Variants in RORA observed in about 807,000 individuals in gnomAD.
The protein encoded by RORA is nuclear receptor ROR-alpha.
Under a neutral mutation model 69.5 loss-of-function variants are expected in RORA, and 7 were observed. That is an observed-to-expected ratio of 0.10 (90% CI 0.06 to 0.19). RORA has a LOEUF of 0.19. RORA is among the 10% of genes least tolerant of loss of function. The pLI is 1.00. For missense variants in RORA, 457 were observed against 663.0 expected, an observed-to-expected ratio of 0.69 and a Z score of 3.41; for synonymous variants, 261 against 240.8, an observed-to-expected ratio of 1.08 and a Z score of -0.78.
intron 1 of RORA, among the ~76,000 whole-genome samples, chr15:60,694,618 G>A (rs1380918055): frequency 2.6e-5 from 4 of 152,180 alleles, no homozygotes; most frequent in Admixed American, 2.0e-4. Context: ...CCCAAACCTC[G>A]AGGACACTCC....
At chr15:60,800,948 C>A (rs976053841) in intron 1 of RORA, among the ~76,000 whole-genome samples, 1 of 152,220 alleles carries the variant, frequency 6.6e-6, no homozygotes, top group African/African-American at 2.4e-5. Context: ...GCCTGCATTC[C>A]CAATACTTTC....
chr15:60,959,177 T>C lies in RORA; in HGVS notation c.166+269876A>G, dbSNP rs574514803. 7.9e-5 allele frequency among the ~76,000 whole-genome samples: 12 copies of C among 152,362 alleles called. No homozygotes were observed. In the South Asian group the frequency reaches 2.3e-3, roughly 29 times the overall value. On this transcript the variant is annotated intron_variant, in intron 1 of 10. Transcript: ENST00000335670. ...TTTTGTGTAAGAGGAATAGAAATTG[T>C]TTCTTTTCCTTGCTTTTATGTCTAC...
rs145102737 is a variant in RORA, at chr15:60,511,276, C to G, written c.770G>C (p.Cys257Ser). ...GGAAGTCTCGCCGTTGGTGAACGAA[C>G]AGTAGGGAAAGAAGCCTGATGCTGG... ...YTPASGFFPYCSFTNGETSPT... is the reference protein window; with the variant it reads ...YTPASGFFPYSSFTNGETSPT... The change falls in exon 5 of 11, where the codon TGT becomes TCT. Residue 257 changes from cysteine to serine, a missense_variant. By Grantham distance (112) the Cys-to-Ser change is moderately radical (BLOSUM62 -1). Around this residue, in one of 3 missense-constraint regions of RORA, gnomAD observed 304 missense variants for 447.4 expected, o/e 0.68. Coordinates refer to ENST00000335670, the MANE Select transcript of RORA (RefSeq NM_134261.3). The surrounding 1 kb of genome is among the most constrained non-coding windows in gnomAD (Gnocchi z 6.4). 5.5e-5 allele frequency: 89 copies of G among 1,614,030 alleles called. No individual in the cohort carries two copies. Among genetic ancestry groups the G allele is most frequent in the Non-Finnish European group, 7.2e-5 (85 of 1,180,000 alleles).
rs142291453 is a variant in RORA at position 60,843,996 on chromosome 15, C to CA, written c.167-165311_167-165310insT. On this transcript the variant is annotated intron_variant, in intron 1 of 10. Transcript: ENST00000335670. Reference sequence around the variant, plus strand: ...GCCCACACTTTCACATCTTCATTTACTTTTTTTTTGGTTATTCTCTCCACC... The same window carrying CA: ...GCCCACACTTTCACATCTTCATTTACATTTTTTTTTGGTTATTCTCTCCACC... 5.5e-3 allele frequency among the ~76,000 whole-genome samples: 831 copies of CA among 152,008 alleles called. 3 individuals are homozygous for CA. The highest frequency in any genetic ancestry group is 9.1e-3 in the Non-Finnish European group (616 of 67,944).
At chr15:61,082,608 T>G (rs1296338345) in intron 1 of RORA, among the ~76,000 whole-genome samples, 1 of 152,150 alleles carries the variant, frequency 6.6e-6, no homozygotes, top group Non-Finnish European at 1.5e-5. Flanking sequence ...ACTTCATCAC[T>G]TGAGTATGTG....
At chr15:60,627,587 C>G in intron 2 of RORA, 1 of 1,205,548 alleles carries the variant, frequency 8.3e-7, no homozygotes, top group Non-Finnish European at 1.1e-6. Context: ...ACAATTCTCC[C>G]ATAATTGTTG....
chr15:60,678,482 A>G, intron 2 of RORA, 175 bp downstream of exon 2: 1 of 613,790 alleles, frequency 1.6e-6, no homozygotes, highest in East Asian at 2.7e-5. Flanking sequence ...CACACTCAGT[A>G]CAAACAGGTG....
intron 1 of RORA, among the ~76,000 whole-genome samples, chr15:60,903,290 C>T (rs115261979): frequency 6.8e-4 from 104 of 152,356 alleles, no homozygotes; most frequent in African/African-American, 2.4e-3. Context: ...AGACTCTTCT[C>T]ATTGCAGCTT....
intron 2 of RORA, among the ~76,000 whole-genome samples, chr15:60,623,747 G>A (rs1463419812): frequency 2.0e-5 from 3 of 152,192 alleles, no homozygotes; most frequent in Admixed American, 1.3e-4. Flanking sequence ...CAGGACCCCA[G>A]TAAGTTTACT....
intron 1 of RORA, among the ~76,000 whole-genome samples, chr15:60,962,491 T>G (rs966919692): frequency 7.2e-5 from 11 of 152,190 alleles, no homozygotes; most frequent in Admixed American, 6.5e-5. Context: ...CCAAAAGGAA[T>G]GCACAGACCA....
chr15:61,153,770 ACAATTGCTAAGAACCCTT>A (rs1194980803), intron 1 of RORA, among the ~76,000 whole-genome samples: 1 of 152,052 alleles, frequency 6.6e-6, no homozygotes, highest in Admixed American at 6.5e-5. Flanking sequence ...GGTTTCATGC[ACAATTGCTAAGAACCCTT>A]CAATTGCTAA....
At chr15:60,592,090 T>A (rs1210436072) in intron 2 of RORA, among the ~76,000 whole-genome samples, 2 of 151,960 alleles carry the variant, frequency 1.3e-5, no homozygotes, top group Non-Finnish European at 2.9e-5. Flanking sequence ...GCAAACTTTC[T>A]TTTGGGAGAC....
intron 2 of RORA, among the ~76,000 whole-genome samples, chr15:60,666,037 A>G (rs1632660): frequency 0.75 from 114,606 of 151,860 alleles, 43,940 homozygotes; most frequent in East Asian, 1. Flanking sequence ...TGAAATGAGC[A>G]ACAAGAGTGG....
At chr15:61,124,268 C>T (rs2079125801) in intron 1 of RORA, among the ~76,000 whole-genome samples, 1 of 152,204 alleles carries the variant, frequency 6.6e-6, no homozygotes. Context: ...TTTTTATATT[C>T]TAGTGGGTAC....
At chr15:60,653,972 G>GA (rs994653923) in intron 2 of RORA, among the ~76,000 whole-genome samples, 8 of 152,136 alleles carry the variant, frequency 5.3e-5, no homozygotes, top group African/African-American at 7.2e-5. Context: ...CAGGAGCAAG[G>GA]ATTCTATCAG....
chr15:61,153,370 G>A (rs2079414507), intron 1 of RORA, among the ~76,000 whole-genome samples: 1 of 152,208 alleles, frequency 6.6e-6, no homozygotes, highest in Non-Finnish European at 1.5e-5. Context: ...TCCAAAACCA[G>A]TGAGGGAAAT....
intron 1 of RORA, among the ~76,000 whole-genome samples, chr15:60,796,886 C>A (rs2072506037): frequency 6.6e-6 from 1 of 151,894 alleles, no homozygotes; most frequent in South Asian, 2.1e-4. Context: ...ATACAGGCTA[C>A]ATCCTGGATG....
intron 1 of RORA, among the ~76,000 whole-genome samples, chr15:61,224,633 G>A (rs1208749717): frequency 6.6e-6 from 1 of 152,178 alleles, no homozygotes; most frequent in African/African-American, 2.4e-5. Flanking sequence ...GAAGTGACAT[G>A]TCCAAGGAAA....
chr15:60,815,805 A>C (rs1035279527), intron 1 of RORA, among the ~76,000 whole-genome samples: 1 of 151,158 alleles, frequency 6.6e-6, no homozygotes, highest in Non-Finnish European at 1.5e-5. Flanking sequence ...TTTTAAAAAA[A>C]ATTTTATATT....
Sources: allele counts gnomAD v4.1 joint callset (sites outside exome capture counted in the v4.1 genomes callset), GRCh38; gene constraint gnomAD v4.1.1; regional missense constraint gnomAD v4.1.1; non-coding constraint Gnocchi (gnomAD v3.1); transcripts MANE v1.5; gene names NCBI Gene and HGNC (gene_info 2026-07-23, HGNC 2026-07-21).